VDAC1: variants seen among roughly 807,000 people sequenced by gnomAD.
VDAC1 encodes voltage dependent anion channel 1.
In VDAC1, 10 loss-of-function variants were observed where a neutral mutation model predicts 34.7. The ratio of observed to expected loss-of-function variants is 0.29; its 90% CI spans 0.18 to 0.49. The LOEUF is 0.49. VDAC1 is among the 20% of genes least tolerant of loss of function. The pLI, the probability that VDAC1 is intolerant of heterozygous loss-of-function variation, is 0.99. For missense variants in VDAC1, 230 were observed against 347.9 expected (o/e 0.66, Z 2.69); for synonymous variants, 130 against 136.0 (o/e 0.96, Z 0.30).
the VDAC1 span, among the ~76,000 whole-genome samples, chr5:134,105,702 A>C: frequency 6.6e-6 from 1 of 152,228 alleles, no homozygotes; most frequent in Non-Finnish European, 1.5e-5. Context: ...CACCCAGGGA[A>C]GCTGCATGGG....
chr5:133,998,611 GGCT>G (rs1256698022), intron 1 of VDAC1, among the ~76,000 whole-genome samples: 1 of 152,322 alleles, frequency 6.6e-6, no homozygotes, highest in Non-Finnish European at 1.5e-5. Flanking sequence ...CACGTTCCAA[GGCT>G]GCTGCAGTAG....
the VDAC1 span, among the ~76,000 whole-genome samples, chr5:134,055,586 A>AT: frequency 5.0e-5 from 3 of 60,082 alleles, no homozygotes; most frequent in South Asian, 1.5e-3. Flanking sequence ...CGCCCCGCTA[A>AT]TGTTTTTTTT....
chr5:134,056,950 A>C, the VDAC1 span, among the ~76,000 whole-genome samples: 2 of 152,064 alleles, frequency 1.3e-5, no homozygotes, highest in African/African-American at 4.8e-5. Context: ...CAGCCTCCCA[A>C]AGTTCTGGGA....
chr5:133,988,301 A>AG (rs1491180537), intron 5 of VDAC1, among the ~76,000 whole-genome samples: 3 of 151,400 alleles, frequency 2.0e-5, no homozygotes, highest in South Asian at 2.1e-4. Context: ...TAAAAAAAAA[A>AG]GGGGGGCAGG....
the VDAC1 span, among the ~76,000 whole-genome samples, chr5:134,097,687 C>G: frequency 6.6e-6 from 1 of 152,120 alleles, no homozygotes; most frequent in Non-Finnish European, 1.5e-5. Flanking sequence ...TGAAAATGCT[C>G]CTCTGGACGT....
At chr5:134,048,128 C>T in the VDAC1 span, among the ~76,000 whole-genome samples, 3,381 of 151,168 alleles carry the variant, frequency 0.022, 48 homozygotes, top group Non-Finnish European at 0.032. Flanking sequence ...CCACCATGCC[C>T]TGCTAACTTT....
chr5:134,091,540 G>C, the VDAC1 span, among the ~76,000 whole-genome samples: 2 of 152,284 alleles, frequency 1.3e-5, no homozygotes, highest in African/African-American at 4.8e-5. Context: ...CAAAGGCTGG[G>C]CCACAATGAG....
chr5:134,099,738 C>G, the VDAC1 span, among the ~76,000 whole-genome samples: 1 of 152,182 alleles, frequency 6.6e-6, no homozygotes, highest in East Asian at 1.9e-4. Context: ...TGCCATCATC[C>G]CCAGCTAATT....
In VDAC1 at chr5:133,975,951, G is replaced by C; in HGVS notation, c.622C>G (p.Leu208Val). ...TTACTGTTTCCTGCTGTCCAGGCAA[G>C]ATTGACAGCGGTCTCCAACTTCTTG... ...VNKKLETAVNLAWTAGNSNTR... is the reference protein window; with the variant it reads ...VNKKLETAVNVAWTAGNSNTR... The change falls in exon 7 of 9, where the codon CTT becomes GTT. Residue 208 changes from leucine (L) to valine (V), a missense_variant. Coordinates refer to ENST00000265333, the MANE Select transcript of VDAC1 (RefSeq NM_003374.3). 1 of 1,613,616 alleles carries C rather than the reference G, an allele frequency of 6.2e-7. No homozygotes were observed. Among genetic ancestry groups the C allele is most frequent in the Non-Finnish European group, 8.5e-7 (1 of 1,179,988 alleles).
In VDAC1 at chr5:133,980,649, A is replaced by AAAC. The variant is rs1291160108; in HGVS notation, c.551+79_551+80insGTT. On this transcript the variant is annotated intron_variant, in intron 6 of 8. Transcript: ENST00000265333. ...TGGGCTTTCTTAAAAAAAAAAAAAA[A>AAAC]AAAACAGTGAAAAGCAATCCCCTTA... 30 of 984,990 alleles carry AAAC rather than the reference A, an allele frequency of 3.0e-5. No homozygotes were observed. In the East Asian group the frequency reaches 8.2e-4, roughly 27 times the overall value. 61.0% of individuals were successfully genotyped at this position (984,990 alleles called of 1,614,324 possible). A position where few individuals can be genotyped will look rare whatever the true frequency, so the allele number is the denominator to read the frequency against.
At chr5:134,096,491 G>A in the VDAC1 span, among the ~76,000 whole-genome samples, 1 of 152,228 alleles carries the variant, frequency 6.6e-6, no homozygotes, top group African/African-American at 2.4e-5. Context: ...TTGGGGAAGG[G>A]GGTTGTGGGC....
intron 1 of VDAC1, among the ~76,000 whole-genome samples, chr5:133,999,007 C>G (rs536043963): frequency 6.6e-5 from 10 of 152,176 alleles, no homozygotes; most frequent in African/African-American, 2.4e-4. Flanking sequence ...TGCAGAGGCT[C>G]CCTCAAAAGG....
the VDAC1 span, among the ~76,000 whole-genome samples, chr5:134,107,441 C>T: frequency 2.6e-5 from 4 of 152,260 alleles, no homozygotes; most frequent in Admixed American, 6.5e-5. Context: ...AGTCCTGTCT[C>T]TGCCCCCAGG....
At chr5:134,047,209 A>C in the VDAC1 span, among the ~76,000 whole-genome samples, 2 of 152,196 alleles carry the variant, frequency 1.3e-5, no homozygotes, top group Non-Finnish European at 2.9e-5. Context: ...AAGGGAACAA[A>C]GGGATGCTTT....
chr5:133,982,835 A>G (rs1198711253), intron 5 of VDAC1, among the ~76,000 whole-genome samples: 1 of 150,260 alleles, frequency 6.7e-6, no homozygotes, highest in African/African-American at 2.5e-5. Context: ...GGTTGCAGTG[A>G]GCCAAGACCG....
At chr5:133,988,205 T>A (rs1418046476) in intron 5 of VDAC1, among the ~76,000 whole-genome samples, 2 of 152,142 alleles carry the variant, frequency 1.3e-5, no homozygotes, top group Non-Finnish European at 2.9e-5. Context: ...CATTAGGAGC[T>A]GGGTGAAGAA....
the VDAC1 span, among the ~76,000 whole-genome samples, chr5:134,020,001 G>T: frequency 1.3e-5 from 2 of 152,122 alleles, no homozygotes; most frequent in African/African-American, 4.8e-5. Context: ...GCTCGCAAGC[G>T]TCCCTGCCTT....
chr5:134,109,768 C>A, the VDAC1 span, among the ~76,000 whole-genome samples: 1 of 25,190 alleles, frequency 4.0e-5, no homozygotes. Flanking sequence ...AAGGCTCCAT[C>A]TCAAAAAAAA....
At chr5:134,085,861 T>G in the VDAC1 span, among the ~76,000 whole-genome samples, 11 of 150,378 alleles carry the variant, frequency 7.3e-5, no homozygotes, top group Non-Finnish European at 1.3e-4. Context: ...TGAGCTATGA[T>G]CAGCCTGGGT....
Sources: allele counts gnomAD v4.1 joint callset (sites outside exome capture counted in the v4.1 genomes callset), GRCh38; gene constraint gnomAD v4.1.1; transcripts MANE v1.5; gene names NCBI Gene and HGNC (gene_info 2026-07-23, HGNC 2026-07-21).